The following AMZ1 variants were observed in gnomAD, a reference collection of about 807,000 sequenced individuals.
The protein encoded by AMZ1 is archaemetzincin-1.
In AMZ1, 39 loss-of-function variants were observed where a neutral mutation model predicts 29.9. That is an observed-to-expected ratio of 1.30 (90% CI 1.01 to 1.70). AMZ1 has a LOEUF of 1.70. Ranked by LOEUF, AMZ1 falls within the 40% of genes most tolerant of loss-of-function variation. The probability of loss-of-function intolerance (pLI) is 0.00; values close to 1 mark genes in which losing one functional copy is unlikely to be tolerated. For synonymous variants in AMZ1, 458 were observed against 304.0 expected (o/e 1.51, Z -5.27); for missense variants, 1,041 against 680.6 (o/e 1.53, Z -5.89).
chr7:2,735,476 A>G (rs1258265021), intron 4 of AMZ1, among the ~76,000 whole-genome samples: 1 of 152,182 alleles, frequency 6.6e-6, no homozygotes, highest in African/African-American at 2.4e-5. Context: ...CCGCCCAGAT[A>G]GTACGGACGC....
At chr7:2,723,885 A>G (rs895274531), downstream of AMZ1, among the ~76,000 whole-genome samples, 1 of 152,120 alleles carries the variant, frequency 6.6e-6, no homozygotes, top group African/African-American at 2.4e-5. Context: ...CTCTGCGGCG[A>G]TAAACTTTCC....
At position 2,715,602 on chromosome 7, in the gene AMZ1, C is replaced by G. The variant is rs570751476; in HGVS notation, c.*2724C>G. On this transcript the variant is annotated 3_prime_UTR_variant, in exon 7 of 7. Transcript: ENST00000683327. ...TAAAAAAAACTCCTTTTATCCGCAG[C>G]GTTTACCAACTTGCAGATGTCAGTG... is the stretch of plus-strand genomic sequence containing the variant. 3.3e-5 allele frequency: 5 copies of G among 152,204 alleles called. No homozygotes were observed. The highest frequency in any genetic ancestry group is 7.3e-5 in the Non-Finnish European group (5 of 68,032). 9.4% of individuals were successfully genotyped at this position (152,204 alleles called of 1,614,324 possible).
chr7:2,692,705 G>C (rs190376487), intron 1 of AMZ1, among the ~76,000 whole-genome samples: 1 of 152,126 alleles, frequency 6.6e-6, no homozygotes, highest in Non-Finnish European at 1.5e-5. Flanking sequence ...GCCTCCACAC[G>C]CTGACACCTG....
chr7:2,699,997 C>T (rs947005318), intron 1 of AMZ1, among the ~76,000 whole-genome samples: 9 of 152,142 alleles, frequency 5.9e-5, no homozygotes, highest in East Asian at 3.9e-4. Context: ...AGACTGTGAC[C>T]GTCCCCTGGG....
At chr7:2,701,797 C>A in intron 2 of AMZ1, among the ~76,000 whole-genome samples, 1 of 152,364 alleles carries the variant, frequency 6.6e-6, no homozygotes, top group East Asian at 1.9e-4. Flanking sequence ...CCTGGTGGTC[C>A]ACGCAGCCCC....
chr7:2,712,813 C>G lies in AMZ1; in HGVS notation c.1432C>G (p.Leu478Val), dbSNP rs771726784. ...GDKFSSLRRK[L>V]SARKLARAES... is the part of the protein sequence containing the mutation. ...CAAGTTCTCCTCCCTGAGGAGGAAG[C>G]TGAGTGCCCGAAAACTCGCCAGAGC... Residue 478 changes from leucine to valine, a missense_variant, in exon 7 of 7, where the codon CTG (leucine) becomes GTG (valine). Leu to Val is a conservative substitution (Grantham distance 32). Transcript: ENST00000683327. 19 of 1,539,106 alleles carry G rather than the reference C, an allele frequency of 1.2e-5. No homozygotes were observed. The highest frequency in any genetic ancestry group is 1.7e-5 in the Non-Finnish European group (19 of 1,141,450).
chr7:2,688,591 A>T (rs149085698), intron 1 of AMZ1, among the ~76,000 whole-genome samples: 2,128 of 152,276 alleles, frequency 0.014, 22 homozygotes, highest in Admixed American at 0.024. Context: ...CTCCCAGGCC[A>T]GGGCGACCTG....
At chr7:2,707,485 C>T (rs141273741) in intron 3 of AMZ1, among the ~76,000 whole-genome samples, 213 of 152,100 alleles carry the variant, frequency 1.4e-3, no homozygotes, top group South Asian at 2.9e-3. Context: ...TCTGGTTTCC[C>T]GGCTTTGATG....
chr7:2,765,121 T>C (rs1791748544), intron 1 of AMZ1: 1 of 150,390 alleles, frequency 6.6e-6, no homozygotes, highest in Non-Finnish European at 1.5e-5. Context: ...TGGATTAAAA[T>C]CTAAGGGAAA....
chr7:2,695,329 G>T (rs1354480202), intron 1 of AMZ1, among the ~76,000 whole-genome samples: 1 of 152,144 alleles, frequency 6.6e-6, no homozygotes, highest in Non-Finnish European at 1.5e-5. Context: ...TGGGCATGCG[G>T]GTCTGGGCAC....
chr7:2,684,401 A>G (rs762605125), upstream of AMZ1, among the ~76,000 whole-genome samples: 1 of 152,142 alleles, frequency 6.6e-6, no homozygotes, highest in Non-Finnish European at 1.5e-5. Context: ...GGGAGCCGCT[A>G]TGTAACCCAC....
chr7:2,744,865 GA>G (rs1248984912), intron 4 of AMZ1, among the ~76,000 whole-genome samples: 3 of 152,230 alleles, frequency 2.0e-5, no homozygotes, highest in Non-Finnish European at 2.9e-5. Flanking sequence ...AGAACTACCT[GA>G]GGAATGCAGA....
rs368224908 is a variant in AMZ1 at position 2,708,759 on chromosome 7, C to T, written c.601+43C>T. On this transcript the variant is annotated intron_variant, in intron 4 of 6. Coordinates refer to ENST00000683327, the MANE Select transcript of AMZ1 (RefSeq NM_001384743.1). ...CAGCTGTGCGTGGGGGGTAGCCTGG[C>T]ATGGGGCTGTGGCCTCCGTGGCTGC... The T allele has an allele frequency of 5.9e-5, 95 of 1,609,946 alleles. No homozygotes were observed. The East Asian group carries it at 9.6e-4, about 16-fold the overall frequency.
In AMZ1 at chr7:2,700,718, C is replaced by G; in HGVS notation, c.267C>G (p.Pro89=). The stretch of plus-strand genomic sequence containing the variant: ...ACGCCTCCCTGCAGCACCGGAAGCC[C>G]CGCCTGGCTCGGAAGCACATCTACC... ...TFHASLQHRK[P]RLARKHIYLQ... is the part of the protein sequence containing the mutation. Residue 89 remains proline (P), a synonymous_variant, in exon 2 of 7, where the codon CCC becomes CCG. Transcript: ENST00000683327. 1 of 1,613,154 alleles carries G rather than the reference C, an allele frequency of 6.2e-7. No individual in the cohort carries two copies.
intron 1 of AMZ1, among the ~76,000 whole-genome samples, chr7:2,680,090 G>C (rs1786829790): frequency 6.6e-6 from 1 of 152,212 alleles, no homozygotes; most frequent in Non-Finnish European, 1.5e-5. Context: ...TGGAAGCTGG[G>C]GAGTCTATAG....
intron 4 of AMZ1, among the ~76,000 whole-genome samples, chr7:2,735,037 C>G (rs1161092672): frequency 3.3e-5 from 5 of 152,210 alleles, no homozygotes; most frequent in African/African-American, 1.2e-4. Flanking sequence ...GTGCCAAGTC[C>G]CCCCGGTCCT....
chr7:2,736,070 G>A (rs896644552), intron 4 of AMZ1, among the ~76,000 whole-genome samples: 1 of 152,148 alleles, frequency 6.6e-6, no homozygotes, highest in African/African-American at 2.4e-5. Flanking sequence ...GACTCCTCAA[G>A]TCTTACAGCA....
chr7:2,739,254 C>T lies in AMZ1; in HGVS notation n.551-25458C>T, dbSNP rs188825162. 3.3e-5 allele frequency among the ~76,000 whole-genome samples: 5 copies of T among 152,304 alleles called. No homozygotes were observed. In the East Asian group the frequency reaches 9.6e-4, roughly 29 times the overall value. ...TACTACCTTCAAAATGTTGTACGGC[C>T]ACCACTTCTACAGCCTATCAGCCGC... On this transcript the variant is annotated intron_variant and non_coding_transcript_variant, in intron 4 of 4. Transcript: ENST00000489665.
intron 4 of AMZ1, among the ~76,000 whole-genome samples, chr7:2,735,767 G>A (rs1238501271): frequency 1.3e-5 from 2 of 152,202 alleles, no homozygotes; most frequent in Non-Finnish European, 2.9e-5. Flanking sequence ...GAGGAGAGGA[G>A]TCAAATCTAG....
Sources: allele counts gnomAD v4.1 joint callset (sites outside exome capture counted in the v4.1 genomes callset), GRCh38; gene constraint gnomAD v4.1.1; transcripts MANE v1.5; gene names NCBI Gene and HGNC (gene_info 2026-07-23, HGNC 2026-07-21).